Variants in SUMF2 observed in about 807,000 individuals in gnomAD.
SUMF2 encodes the protein inactive C-alpha-formylglycine-generating enzyme 2.
In SUMF2, 45 loss-of-function variants were observed where a neutral mutation model predicts 44.8. The ratio of observed to expected loss-of-function variants is 1.00; its 90% CI spans 0.79 to 1.29. The LOEUF is 1.29. Ranked by LOEUF, SUMF2 falls within the 50% of genes most tolerant of loss-of-function variation. The probability of loss-of-function intolerance (pLI) is 0.00; values close to 1 mark genes in which losing one functional copy is unlikely to be tolerated. For synonymous variants in SUMF2, 148 were observed against 150.4 expected (o/e 0.98, Z 0.12); for missense variants, 418 against 389.9 (o/e 1.07, Z -0.61).
Position 56,079,693 on chromosome 7 carries a change from G to A in SUMF2, c.*81G>A. ...CATGTTGCAAACAGCGCAATTCCAA[G>A]CTCGAGAGCTTCAGCCTCAGGAAAG... On this transcript the variant is annotated 3_prime_UTR_variant, in exon 9 of 9. Coordinates refer to ENST00000434526, the MANE Select transcript of SUMF2 (RefSeq NM_015411.4). 2.5e-6 allele frequency: 4 copies of A among 1,613,496 alleles called. No individual in the cohort carries two copies. Among genetic ancestry groups the A allele is most frequent in the Non-Finnish European group, 3.4e-6 (4 of 1,179,668 alleles).
chr7:56,083,431 G>C (rs373657174), downstream of SUMF2: 8 of 1,614,006 alleles, frequency 5.0e-6, no homozygotes, highest in Admixed American at 1.7e-5. Flanking sequence ...AGCAGAGCTC[G>C]CATGATCTTT....
the SUMF2 span, among the ~76,000 whole-genome samples, chr7:56,087,937 A>G: frequency 6.6e-6 from 1 of 150,464 alleles, no homozygotes; most frequent in Non-Finnish European, 1.5e-5. Flanking sequence ...ATACAGGCAC[A>G]GACAGGTGAT....
At chr7:56,082,055 G>A (rs1796027233), downstream of SUMF2, 1 of 1,611,504 alleles carries the variant, frequency 6.2e-7, no homozygotes, top group Non-Finnish European at 8.5e-7. Flanking sequence ...ACCTGGACAT[G>A]CGAGGGCCCA....
At position 56,068,969 on chromosome 7, in the gene SUMF2, C is replaced by T. The variant is rs1164546414; in HGVS notation, c.224+331C>T. Among the ~76,000 whole-genome samples, 16 of 152,100 alleles carry T rather than the reference C, an allele frequency of 1.1e-4. No individual in the cohort carries two copies. In the East Asian group the frequency reaches 2.9e-3, roughly 28 times the overall value. On this transcript the variant is annotated intron_variant, in intron 2 of 8. Coordinates refer to ENST00000434526, the MANE Select transcript of SUMF2 (RefSeq NM_015411.4). ...CTCAACTATCTGCCCACCTCAGCCT[C>T]CCAAAGTGCTGGGATTACAGGCATG...
intron 1 of SUMF2, 111 bp from the exon 2 acceptor site, chr7:56,068,371 A>G (rs1794947798): frequency 8.9e-7 from 1 of 1,128,106 alleles, no homozygotes; most frequent in East Asian, 2.7e-5. Context: ...AAGCCTCCAC[A>G]TTTTTTGTTG....
At chr7:56,086,978 C>T in the SUMF2 span, 27 of 1,612,978 alleles carry the variant, frequency 1.7e-5, no homozygotes, top group Non-Finnish European at 2.3e-5. Flanking sequence ...ACAGGTCAAA[C>T]ACCAAGAAGA....
intron 1 of SUMF2, among the ~76,000 whole-genome samples, chr7:56,064,753 G>T (rs1794637100): frequency 6.6e-6 from 1 of 151,232 alleles, no homozygotes; most frequent in African/African-American, 2.4e-5. Context: ...CGTGGCGGCG[G>T]GTGCCTGTAA....
In SUMF2 at chr7:56,079,878, A is replaced by T; in HGVS notation, c.*266A>T. 6.5e-7 allele frequency: 1 copy of T among 1,536,138 alleles called. No homozygotes were observed. The highest frequency in any genetic ancestry group is 8.8e-7 in the Non-Finnish European group (1 of 1,138,190). On this transcript the variant is annotated 3_prime_UTR_variant, in exon 9 of 9. Coordinates refer to ENST00000434526, the MANE Select transcript of SUMF2 (RefSeq NM_015411.4). ...AGAGGCCAAGTATTATTGACACAGG[A>T]TTGCAAACACACAAACAATTGGAAC...
downstream of SUMF2, chr7:56,081,555 G>C: frequency 1.3e-6 from 2 of 1,539,172 alleles, no homozygotes; most frequent in Non-Finnish European, 1.8e-6. The surrounding 1 kb of genome is among the most constrained non-coding windows in gnomAD (Gnocchi z 4.6). Flanking sequence ...CGGGGTGTAA[G>C]GACTCCTGGG....
downstream of SUMF2, among the ~76,000 whole-genome samples, chr7:56,083,878 G>A (rs1042501777): frequency 4.6e-5 from 7 of 152,218 alleles, no homozygotes; most frequent in African/African-American, 1.7e-4. Context: ...AGTGAGAAGT[G>A]TTCTGGAAGA....
chr7:56,083,765 C>T (rs1161526343), downstream of SUMF2: 3 of 1,270,234 alleles, frequency 2.4e-6, no homozygotes, highest in African/African-American at 4.4e-5. Context: ...ACCACCACTG[C>T]CCTTACCCTG....
chr7:56,066,118 CAAAACAAAA>C (rs1265660646), intron 1 of SUMF2, among the ~76,000 whole-genome samples: 1 of 127,620 alleles, frequency 7.8e-6, no homozygotes, highest in Non-Finnish European at 1.7e-5. Context: ...AAAAACAAAA[CAAAACAAAA>C]AAAACGAAAA....
downstream of SUMF2, chr7:56,083,425 G>C: frequency 6.2e-7 from 1 of 1,614,192 alleles, no homozygotes; most frequent in Non-Finnish European, 8.5e-7. Flanking sequence ...ACCTCCAGCA[G>C]AGCTCGCATG....
intron 2 of SUMF2, among the ~76,000 whole-genome samples, chr7:56,071,642 G>A (rs141580660): frequency 0.026 from 3,954 of 150,994 alleles, 180 homozygotes; most frequent in African/African-American, 0.092. Context: ...AAAATTAGCC[G>A]GGTGTGCTGG....
intron 1 of SUMF2, among the ~76,000 whole-genome samples, chr7:56,066,107 C>CAAAAAAAAAAAA (rs1472193902): frequency 8.2e-6 from 1 of 122,586 alleles, no homozygotes; most frequent in Non-Finnish European, 1.7e-5. Context: ...AAAAAAAAAT[C>CAAAAAAAAAAAA]AAAAACAAAA....
At position 56,078,285 on chromosome 7, in the gene SUMF2, T is replaced by C; in HGVS notation, c.677-79T>C. The C allele has an allele frequency of 1.1e-5, 17 of 1,560,802 alleles. No individual in the cohort carries two copies. In the South Asian group the frequency reaches 1.9e-4, roughly 17 times the overall value. On this transcript the variant is annotated intron_variant, in intron 7 of 8. Transcript: ENST00000434526. ...AGAGGGAAGCACCTCCCTTCTGCCA[T>C]TTGGCCCCCAGGACCTCAGAGGGTA...
the SUMF2 span, chr7:56,087,606 G>A: frequency 6.2e-7 from 1 of 1,613,010 alleles, no homozygotes; most frequent in Non-Finnish European, 8.5e-7. Context: ...ACTGATGTTG[G>A]GGTGCCCTGA....
In SUMF2 at chr7:56,078,374, C is replaced by A. The variant is rs1562870417; in HGVS notation, c.687C>A (p.Asp229Glu). The change falls in exon 8 of 9, where the codon GAC (aspartate) becomes GAA (glutamate). Residue 229 changes from aspartate to glutamate, a missense_variant. Physicochemically the swap from Asp to Glu is conservative, Grantham distance 45 (BLOSUM62 2). Coordinates refer to ENST00000434526, the MANE Select transcript of SUMF2 (RefSeq NM_015411.4). ...CCGGTGGGGCTGCAGGGCTCTATGA[C>A]CTCCTGGGGAACGTGTGGGAGTGGA... ...FPAQNNYGLY[D>E]LLGNVWEWTA... 2 of 1,606,686 alleles carry A rather than the reference C, an allele frequency of 1.2e-6. No individual in the cohort carries two copies. The highest frequency in any genetic ancestry group is 2.2e-5 in the East Asian group (1 of 44,752).
At chr7:56,083,264 C>T (rs1796102377), downstream of SUMF2, 2 of 1,613,302 alleles carry the variant, frequency 1.2e-6, no homozygotes, top group Middle Eastern at 1.7e-4. Flanking sequence ...TGGGCCAAGG[C>T]CATGTTACCA....
Sources: allele counts gnomAD v4.1 joint callset (sites outside exome capture counted in the v4.1 genomes callset), GRCh38; gene constraint gnomAD v4.1.1; non-coding constraint Gnocchi (gnomAD v3.1); transcripts MANE v1.5; gene names NCBI Gene and HGNC (gene_info 2026-07-23, HGNC 2026-07-21).